GPD1L: variants seen among roughly 807,000 people sequenced by gnomAD.
The protein encoded by GPD1L is glycerol-3-phosphate dehydrogenase 1-like protein.
A neutral mutation model predicts 32.9 loss-of-function variants in GPD1L; 17 were observed. The observed-to-expected ratio is 0.52, with a 90% CI of 0.35 to 0.78. The LOEUF is 0.78. Among genes scored for constraint, GPD1L ranks in the 30% least tolerant of loss-of-function variants. The pLI is 0.01. For missense variants in GPD1L, 361 were observed against 447.8 expected (o/e 0.81, Z 1.75); for synonymous variants, 187 against 165.9 (o/e 1.13, Z -0.98).
chr3:32,138,293 GGAGAGCAACA>G (rs971570943), intron 2 of GPD1L, among the ~76,000 whole-genome samples: 1 of 152,160 alleles, frequency 6.6e-6, no homozygotes, highest in Non-Finnish European at 1.5e-5. Context: ...TGGTGAGGTG[GGAGAGCAACA>G]GAGAGCAACC....
intron 5 of GPD1L, among the ~76,000 whole-genome samples, chr3:32,147,759 G>T (rs1700852712): frequency 6.6e-6 from 1 of 152,180 alleles, no homozygotes; most frequent in East Asian, 1.9e-4. Context: ...CCAGTCACCT[G>T]TCTTTATTGG....
At chr3:32,114,657 C>T (rs1035033636) in intron 1 of GPD1L, among the ~76,000 whole-genome samples, 7 of 152,160 alleles carry the variant, frequency 4.6e-5, no homozygotes, top group Non-Finnish European at 7.3e-5. Flanking sequence ...TGGTTCCTTC[C>T]GGTGGGTTCT....
intron 2 of GPD1L, among the ~76,000 whole-genome samples, chr3:32,132,002 T>C (rs1223511993): frequency 6.6e-6 from 1 of 152,260 alleles, no homozygotes; most frequent in Admixed American, 6.5e-5. Flanking sequence ...TATTGTCACT[T>C]GTATATCTTT....
In GPD1L at chr3:32,106,623, G is replaced by C. The variant is rs1186976378; in HGVS notation, c.-89G>C. The C allele has an allele frequency of 6.2e-6, 8 of 1,295,254 alleles. No individual in the cohort carries two copies. Among genetic ancestry groups the C allele is most frequent in the East Asian group, 6.1e-5 (2 of 32,680 alleles). The allele number at this position is 1,295,254 out of a possible 1,614,324, so 80.2% of individuals were successfully genotyped here. On this transcript the variant is annotated 5_prime_UTR_variant, in exon 1 of 8. Coordinates refer to ENST00000282541, the MANE Select transcript of GPD1L (RefSeq NM_015141.4). The surrounding 1 kb of genome is among the most constrained non-coding windows in gnomAD (Gnocchi z 4.0). ...GCGGAGAGGCGAAAGGGGCGGGGCC[G>C]CCGCCAGCCGCTGCGGGCAAGGCTG...
chr3:32,144,924 G>A (rs532876375), intron 4 of GPD1L, among the ~76,000 whole-genome samples: 1 of 151,162 alleles, frequency 6.6e-6, no homozygotes, highest in Non-Finnish European at 1.5e-5. Flanking sequence ...GGCTGGTCTC[G>A]AACTCCTGAC....
chr3:32,164,980 T>C (rs1701125495), intron 7 of GPD1L, among the ~76,000 whole-genome samples: 2 of 151,974 alleles, frequency 1.3e-5, no homozygotes, highest in Non-Finnish European at 2.9e-5. Flanking sequence ...CCGAGGTGGG[T>C]GGATCATGAG....
intron 2 of GPD1L, among the ~76,000 whole-genome samples, chr3:32,132,335 G>A (rs1700597588): frequency 6.6e-6 from 1 of 152,218 alleles, no homozygotes; most frequent in Non-Finnish European, 1.5e-5. Context: ...AAATGCCAAG[G>A]ATAGTGGAAG....
In GPD1L at chr3:32,131,039, A is replaced by T. The variant is rs78819226; in HGVS notation, c.225+2786A>T. ...AAAAAAAAAATAGAATGCTCCGTTT[A>T]AAAAAAAAAAGAATGCTCATTATTT... On this transcript the variant is annotated intron_variant, in intron 2 of 7. Coordinates refer to ENST00000282541, the MANE Select transcript of GPD1L (RefSeq NM_015141.4). 6.0e-3 allele frequency among the ~76,000 whole-genome samples: 839 copies of T among 139,418 alleles called. 5 individuals are homozygous for T. Among genetic ancestry groups the T allele is most frequent in the Non-Finnish European group, 8.0e-3 (525 of 65,632 alleles). The allele number at this position is 139,418 out of a possible 152,430, so 91.5% of individuals were successfully genotyped here.
intron 2 of GPD1L, among the ~76,000 whole-genome samples, chr3:32,130,789 G>C (rs1700577704): frequency 6.6e-6 from 1 of 152,088 alleles, no homozygotes; most frequent in East Asian, 1.9e-4. Context: ...GAGGGGGGCG[G>C]ATCACTTGAG....
intron 2 of GPD1L, among the ~76,000 whole-genome samples, chr3:32,131,711 TAC>T (rs1700589678): frequency 1.3e-5 from 2 of 152,240 alleles, no homozygotes; most frequent in South Asian, 4.1e-4. Context: ...TACCTTTATG[TAC>T]AATGTGAACC....
intron 7 of GPD1L, among the ~76,000 whole-genome samples, chr3:32,162,845 G>A (rs1443361828): frequency 5.9e-5 from 9 of 151,730 alleles, no homozygotes; most frequent in South Asian, 2.1e-4. Flanking sequence ...TGCAATCTCC[G>A]CCTCCCATGT....
chr3:32,131,494 C>T (rs12486516), intron 2 of GPD1L, among the ~76,000 whole-genome samples: 40,112 of 151,882 alleles, frequency 0.26, 5,684 homozygotes, highest in East Asian at 0.48. Context: ...ATGTAAATTG[C>T]GTCTTACAAT....
Position 32,153,396 on chromosome 3 carries a change from G to T in GPD1L, c.619-5480G>T, listed in dbSNP as rs1442778780. Among the ~76,000 whole-genome samples the T allele has an allele frequency of 2.0e-5, 3 of 152,222 alleles. No individual in the cohort carries two copies. In the East Asian group the frequency reaches 5.8e-4, roughly 29 times the overall value. ...GTAACTACATTTTGAAGACTCAGTG[G>T]CTGACTAATGGCTACTGTATTCGAT... On this transcript the variant is annotated intron_variant, in intron 5 of 7. Coordinates refer to ENST00000282541, the MANE Select transcript of GPD1L (RefSeq NM_015141.4).
In GPD1L at chr3:32,159,465, TA is replaced by T. The variant is rs35234737; in HGVS notation, c.853-88del. 0.21 allele frequency: 116,708 copies of T among 565,386 alleles called. 1,066 individuals carry two copies. Among genetic ancestry groups the T allele is most frequent in the Middle Eastern group, 0.25 (481 of 1,954 alleles). 35.0% of individuals were successfully genotyped at this position (565,386 alleles called of 1,614,324 possible). On this transcript the variant is annotated intron_variant, in intron 6 of 7. Transcript: ENST00000282541. ...GCACAGCATAGCAAGACCCATTCTC[TA>T]AAAAAAAAAAAAAAGAAAAAAAACA...
chr3:32,148,899 A>T (rs1246749499), intron 5 of GPD1L, among the ~76,000 whole-genome samples: 1 of 152,246 alleles, frequency 6.6e-6, no homozygotes, highest in Non-Finnish European at 1.5e-5. Context: ...GGTGTAAAGA[A>T]GGAAGTAAAA....
intron 1 of GPD1L, among the ~76,000 whole-genome samples, chr3:32,125,757 C>G (rs1428843521): frequency 1.3e-5 from 2 of 151,998 alleles, no homozygotes; most frequent in African/African-American, 4.8e-5. Flanking sequence ...AACACATTGC[C>G]TTTCCCCTGC....
chr3:32,107,379 T>C (rs1700179702), intron 1 of GPD1L, among the ~76,000 whole-genome samples: 1 of 152,240 alleles, frequency 6.6e-6, no homozygotes. Flanking sequence ...TGCGAAGCTT[T>C]GCGTCTCTTT....
At chr3:32,128,277 C>A (rs1398514633) in intron 2 of GPD1L, 24 bp downstream of exon 2, 1 of 1,592,652 alleles carries the variant, frequency 6.3e-7, no homozygotes, top group Non-Finnish European at 8.6e-7. Flanking sequence ...GTGAAATGTA[C>A]ATTGGTTCAT....
intron 7 of GPD1L, among the ~76,000 whole-genome samples, chr3:32,164,007 A>T (rs1332736591): frequency 6.6e-6 from 1 of 152,206 alleles, no homozygotes; most frequent in East Asian, 1.9e-4. Flanking sequence ...TCAGGAAGGG[A>T]ACAAGAGTAG....
Sources: gnomAD v4.1 joint callset for allele counts (sites outside exome capture counted in the v4.1 genomes callset) on GRCh38, gnomAD v4.1.1 for gene constraint, Gnocchi (gnomAD v3.1) non-coding constraint, MANE v1.5 for transcripts, NCBI Gene and HGNC (gene_info 2026-07-23, HGNC 2026-07-21) for gene names.